Variants in PTPRD observed in about 807,000 individuals in gnomAD.
The protein encoded by PTPRD is protein tyrosine phosphatase receptor type D, also known as receptor-type tyrosine-protein phosphatase delta.
PTPRD carries 34 observed loss-of-function variants against 214.5 expected under a neutral mutation model. The ratio of observed to expected loss-of-function variants is 0.16; its 90% confidence interval spans 0.12 to 0.21. The LOEUF is 0.21. PTPRD is among the 10% of genes least tolerant of loss of function. PTPRD has a pLI of 1.00. For synonymous variants in PTPRD, 1,128 were observed against 845.7 expected, an observed-to-expected ratio of 1.33 and a Z score of -5.79; for missense variants, 2,545 against 2,398.7, an observed-to-expected ratio of 1.06 and a Z score of -1.27.
chr9:8,599,351 G>C (rs1267772803), intron 14 of PTPRD, among the ~76,000 whole-genome samples: 1 of 152,054 alleles, frequency 6.6e-6, no homozygotes, highest in African/African-American at 2.4e-5. Flanking sequence ...GGCCATATCT[G>C]TCTATATCAC....
At chr9:10,003,266 T>A (rs1008977162) in intron 4 of PTPRD, among the ~76,000 whole-genome samples, 15 of 151,738 alleles carry the variant, frequency 9.9e-5, no homozygotes, top group Non-Finnish European at 2.2e-4. Flanking sequence ...TGATGAGGAA[T>A]GAGGAAGTGA....
chr9:8,671,100 A>G (rs1211459149), intron 12 of PTPRD, among the ~76,000 whole-genome samples: 3 of 152,210 alleles, frequency 2.0e-5, no homozygotes, highest in African/African-American at 7.2e-5. Context: ...CTTGGAGAGT[A>G]TCAGCTTGAA....
rs552230185 is a variant in PTPRD, at chr9:9,886,293, C to T, written c.-368+52214G>A. On this transcript the variant is annotated intron_variant, in intron 5 of 45. Coordinates refer to ENST00000381196, the MANE Select transcript of PTPRD (RefSeq NM_002839.4). ...GTTTTATATGTTTGAATTGGAATCT[C>T]TCTACTGGTTATCTCATATTTCTTT... is the stretch of plus-strand genomic sequence containing the variant. Among the ~76,000 whole-genome samples the T allele has an allele frequency of 3.3e-5, 5 of 152,232 alleles. No individual in the cohort carries two copies. The South Asian group carries it at 1.0e-3, about 32-fold the overall frequency.
At chr9:8,493,062 C>G in intron 26 of PTPRD, 83 bp from the exon 27 acceptor site, 1 of 1,144,088 alleles carries the variant, frequency 8.7e-7, no homozygotes, top group Non-Finnish European at 1.3e-6. Context: ...TGCCTTCATT[C>G]TGCAAATGCT....
intron 5 of PTPRD, among the ~76,000 whole-genome samples, chr9:9,922,816 G>A (rs1045454491): frequency 1.3e-5 from 2 of 151,962 alleles, no homozygotes; most frequent in Admixed American, 6.6e-5. Context: ...AAGAAAAGCT[G>A]GAGAGGTTTT....
At chr9:8,419,053 T>C (rs563787358) in intron 35 of PTPRD, among the ~76,000 whole-genome samples, 103 of 151,860 alleles carry the variant, frequency 6.8e-4, no homozygotes, top group Non-Finnish European at 1.2e-3. Context: ...ACATCGTTTC[T>C]AAAAAATTTT....
At chr9:9,388,223 T>C (rs901519755) in intron 9 of PTPRD, among the ~76,000 whole-genome samples, 5 of 152,106 alleles carry the variant, frequency 3.3e-5, no homozygotes, top group African/African-American at 1.2e-4. Context: ...GCTAGGGTCT[T>C]GGGTTTTTAT....
At chr9:8,946,323 A>AC (rs2099063937) in intron 11 of PTPRD, among the ~76,000 whole-genome samples, 2 of 151,792 alleles carry the variant, frequency 1.3e-5, no homozygotes, top group South Asian at 2.1e-4. Context: ...AACGGAGACC[A>AC]CCCCCCCACC....
chr9:10,394,950 T>C (rs2098138829), intron 2 of PTPRD, among the ~76,000 whole-genome samples: 1 of 134,232 alleles, frequency 7.4e-6, no homozygotes. Flanking sequence ...CACCATTTTT[T>C]CTTTTTCTTT....
intron 7 of PTPRD, among the ~76,000 whole-genome samples, chr9:9,714,087 C>T (rs61176173): frequency 2.2e-5 from 2 of 90,900 alleles, no homozygotes; most frequent in Admixed American, 1.3e-4. Flanking sequence ...TGTTCACTTG[C>T]GCAAAAAAAA....
intron 11 of PTPRD, among the ~76,000 whole-genome samples, chr9:8,957,459 GT>G (rs2099137080): frequency 6.6e-6 from 1 of 151,562 alleles, no homozygotes; most frequent in South Asian, 2.1e-4. Flanking sequence ...CTTCTGTTCT[GT>G]TTTTGAAATG....
chr9:9,475,897 T>A lies in PTPRD; in HGVS notation c.-236-78415A>T, dbSNP rs182241189. 2.6e-5 allele frequency among the ~76,000 whole-genome samples: 4 copies of A among 152,308 alleles called. No homozygotes were observed. In the East Asian group the frequency reaches 7.7e-4, roughly 29 times the overall value. ...AATAGGCTTTGGCCTATGTTATATATAAACTGCTACCTCCGCAGTGGTAGT... is the reference window on the plus strand; with the variant it reads ...AATAGGCTTTGGCCTATGTTATATAAAAACTGCTACCTCCGCAGTGGTAGT... On this transcript the variant is annotated intron_variant, in intron 8 of 45. Coordinates refer to ENST00000381196, the MANE Select transcript of PTPRD (RefSeq NM_002839.4).
intron 12 of PTPRD, among the ~76,000 whole-genome samples, chr9:8,717,105 T>G (rs1037169332): frequency 1.3e-5 from 2 of 152,158 alleles, no homozygotes; most frequent in African/African-American, 4.8e-5. Flanking sequence ...GTTGCACCTG[T>G]ACCCCATCCT....
chr9:8,953,470 C>G (rs1020124691), intron 11 of PTPRD, among the ~76,000 whole-genome samples: 7 of 151,994 alleles, frequency 4.6e-5, no homozygotes, highest in Non-Finnish European at 8.8e-5. Context: ...CCCTCAAAAG[C>G]AATGGCAACA....
chr9:8,678,866 C>T (rs2097492485), intron 12 of PTPRD, among the ~76,000 whole-genome samples: 1 of 152,076 alleles, frequency 6.6e-6, no homozygotes, highest in South Asian at 2.1e-4. Flanking sequence ...AAGTAGGGTC[C>T]AGTAGTAGAA....
chr9:9,307,962 A>C (rs1193710476), intron 9 of PTPRD, among the ~76,000 whole-genome samples: 2 of 152,254 alleles, frequency 1.3e-5, no homozygotes, highest in Middle Eastern at 6.8e-3. Flanking sequence ...GCTGTGTAAT[A>C]GCAGACAAGC....
intron 2 of PTPRD, among the ~76,000 whole-genome samples, chr9:10,559,196 A>G (rs1345640850): frequency 6.6e-6 from 1 of 152,118 alleles, no homozygotes; most frequent in African/African-American, 2.4e-5. Flanking sequence ...GATCTGATGG[A>G]AAAACCTATC....
chr9:8,945,624 C>T (rs1359787870), intron 11 of PTPRD, among the ~76,000 whole-genome samples: 1 of 152,080 alleles, frequency 6.6e-6, no homozygotes, highest in East Asian at 1.9e-4. Context: ...TCATGCTCTA[C>T]ACCCTGGTAT....
chr9:9,685,892 A>G (rs1438477462), intron 7 of PTPRD, among the ~76,000 whole-genome samples: 2 of 151,398 alleles, frequency 1.3e-5, no homozygotes, highest in Non-Finnish European at 3.0e-5. Flanking sequence ...AAAAGGAATT[A>G]CTATAGTTTA....
Sources: allele counts gnomAD v4.1 joint callset (sites outside exome capture counted in the v4.1 genomes callset), GRCh38; gene constraint gnomAD v4.1.1; transcripts MANE v1.5; gene names NCBI Gene and HGNC (gene_info 2026-07-23, HGNC 2026-07-21).